Variants in SLC7A5 observed in about 807,000 individuals in gnomAD.
SLC7A5 encodes the protein solute carrier family 7 member 5.
In SLC7A5, 23 loss-of-function variants were observed where a neutral mutation model predicts 50.2. The observed-to-expected ratio is 0.46, with a 90% confidence interval of 0.33 to 0.65. The LOEUF (loss-of-function observed/expected upper bound fraction) is 0.65. Among genes scored for constraint, SLC7A5 ranks in the 30% least tolerant of loss-of-function variants. The pLI is 0.02. For synonymous variants in SLC7A5, 393 were observed against 330.6 expected (o/e 1.19, Z -2.05); for missense variants, 578 against 684.4 (o/e 0.84, Z 1.73).
chr16:87,830,187 G>T lies in SLC7A5; in HGVS notation c.*2783C>A, dbSNP rs984511252. 1.3e-5 allele frequency: 2 copies of T among 152,230 alleles called. No homozygotes were observed. Among genetic ancestry groups the T allele is most frequent in the African/African-American group, 4.8e-5 (2 of 41,470 alleles). The allele number at this position is 152,230 out of a possible 1,614,324, so 9.4% of individuals were successfully genotyped here. On this transcript the variant is annotated 3_prime_UTR_variant, in exon 10 of 10. Coordinates refer to ENST00000261622, the MANE Select transcript of SLC7A5 (RefSeq NM_003486.7). ...AGGGTGTCCAGCCTGGTCGGCCGAC[G>T]TCACAGTGGATGGCCCTGCGTGGCT... is the stretch of plus-strand genomic sequence containing the variant.
intron 1 of SLC7A5, among the ~76,000 whole-genome samples, chr16:87,867,293 C>T (rs1449120412): frequency 1.3e-5 from 2 of 152,134 alleles, no homozygotes; most frequent in African/African-American, 2.4e-5. Flanking sequence ...CATACCGGGC[C>T]GACATGTACC....
chr16:87,836,031 C>T (rs1420563254), intron 8 of SLC7A5, among the ~76,000 whole-genome samples: 1 of 152,204 alleles, frequency 6.6e-6, no homozygotes. Flanking sequence ...GAAGGCAGCC[C>T]ACGGATAACA....
chr16:87,847,380 C>A (rs1259780585), intron 2 of SLC7A5, among the ~76,000 whole-genome samples: 1 of 152,194 alleles, frequency 6.6e-6, no homozygotes, highest in Non-Finnish European at 1.5e-5. Context: ...CAGGGCCGCA[C>A]ACCCCCAGCC....
At chr16:87,840,197 C>T (rs957184960) in intron 4 of SLC7A5, among the ~76,000 whole-genome samples, 10 of 152,220 alleles carry the variant, frequency 6.6e-5, no homozygotes, top group Admixed American at 3.3e-4. Context: ...TCCTCTGTAC[C>T]GTCCCGCCCT....
rs771159023 is a variant in SLC7A5, at chr16:87,832,923, T to C, written c.*47A>G. On this transcript the variant is annotated 3_prime_UTR_variant, in exon 10 of 10. Transcript: ENST00000261622. This position sits in a 1 kb window ranked among gnomAD's most constrained non-coding sequence, Gnocchi z 4.6. ...GTGGGTTCGAGGAGGTGATCTACTT[T>C]AACTGGCCTCTGCGCATGCTCCTCC... 17 of 1,525,126 alleles carry C rather than the reference T, an allele frequency of 1.1e-5. No individual in the cohort carries two copies. The South Asian group carries it at 1.6e-4, about 14-fold the overall frequency. 94.5% of individuals were successfully genotyped at this position (1,525,126 alleles called of 1,614,324 possible).
At chr16:87,867,858 G>C (rs1191223799) in intron 1 of SLC7A5, among the ~76,000 whole-genome samples, 1 of 152,174 alleles carries the variant, frequency 6.6e-6, no homozygotes. Flanking sequence ...GCTCACGCCT[G>C]TAATCCCAGC....
rs1473695619 is a variant in SLC7A5 at position 87,832,939 on chromosome 16, A to G, written c.*31T>C. The G allele has an allele frequency of 1.9e-6, 3 of 1,596,960 alleles. No individual in the cohort carries two copies. The highest frequency in any genetic ancestry group is 3.3e-5 in the Admixed American group (2 of 59,980). On this transcript the variant is annotated 3_prime_UTR_variant, in exon 10 of 10. Transcript: ENST00000261622. The surrounding 1 kb of genome is among the most constrained non-coding windows in gnomAD (Gnocchi z 4.6). ...GATCTACTTTAACTGGCCTCTGCGC[A>G]TGCTCCTCCGGCAGCCACTCGGCCT...
At chr16:87,856,772 C>T in intron 1 of SLC7A5, among the ~76,000 whole-genome samples, 1 of 152,198 alleles carries the variant, frequency 6.6e-6, no homozygotes, top group East Asian at 1.9e-4. Flanking sequence ...TGAGTACAAG[C>T]CTCCACCTTC....
intron 9 of SLC7A5, 117 bp downstream of exon 9, chr16:87,834,295 AAC>A: frequency 1.0e-6 from 1 of 983,066 alleles, no homozygotes; most frequent in Non-Finnish European, 1.6e-6. Context: ...CAGTGACCTG[AAC>A]CCTCCTGCCA....
At chr16:87,863,986 A>AAAAAAAAAAT (rs376938738) in intron 1 of SLC7A5, among the ~76,000 whole-genome samples, 2 of 83,278 alleles carry the variant, frequency 2.4e-5, no homozygotes, top group African/African-American at 7.8e-5. Context: ...ATCATTTAAA[A>AAAAAAAAAAT]ATATATATAT....
At chr16:87,839,858 G>A (rs1417826099) in intron 4 of SLC7A5, 33 bp from the exon 5 acceptor site, 5 of 1,612,470 alleles carry the variant, frequency 3.1e-6, no homozygotes, top group African/African-American at 2.7e-5. Context: ...GTCACCCAAC[G>A]CAGCCCGGGC....
chr16:87,862,595 C>A lies in SLC7A5; in HGVS notation c.538+6290G>T, dbSNP rs1022107981. Among the ~76,000 whole-genome samples, 1 of 152,216 alleles carries A rather than the reference C, an allele frequency of 6.6e-6. No individual in the cohort carries two copies. The highest frequency in any genetic ancestry group is 2.4e-5 in the African/African-American group (1 of 41,460). On this transcript the variant is annotated intron_variant, in intron 1 of 9. Coordinates refer to ENST00000261622, the MANE Select transcript of SLC7A5 (RefSeq NM_003486.7). The surrounding 1 kb of genome is among the most constrained non-coding windows in gnomAD (Gnocchi z 5.3). ...GTTCCCTTGCTCCTTCCTTCTTTTG[C>A]CAGAGGAGAAGACAGTGAGGCTGAG...
At chr16:87,867,216 A>T (rs772555129) in intron 1 of SLC7A5, among the ~76,000 whole-genome samples, 1 of 152,206 alleles carries the variant, frequency 6.6e-6, no homozygotes, top group African/African-American at 2.4e-5. Context: ...CATCACACCC[A>T]GCCAACCAGG....
intron 2 of SLC7A5, among the ~76,000 whole-genome samples, chr16:87,844,336 G>T (rs2055120834): frequency 6.6e-6 from 1 of 152,228 alleles, no homozygotes; most frequent in Non-Finnish European, 1.5e-5. Context: ...CCCGAGAGCG[G>T]GGTAATTGCG....
At position 87,852,716 on chromosome 16, in the gene SLC7A5, G is replaced by T; in HGVS notation, c.539-867C>A. Among the ~76,000 whole-genome samples, 1 of 144,074 alleles carries T rather than the reference G, an allele frequency of 6.9e-6. No individual in the cohort carries two copies. The highest frequency in any genetic ancestry group is 1.5e-5 in the Non-Finnish European group (1 of 66,222). The allele number at this position is 144,074 out of a possible 152,430, so 94.5% of individuals were successfully genotyped here. ...GGGTTCTGTTGCAATATATAGGCAC[G>T]CTGAGCCACTGTGTGTGTGTGCGTG... On this transcript the variant is annotated intron_variant, in intron 1 of 9. Transcript: ENST00000261622. This position sits in a 1 kb window ranked among gnomAD's most constrained non-coding sequence, Gnocchi z 4.5.
At chr16:87,857,609 T>C (rs2055337540) in intron 1 of SLC7A5, among the ~76,000 whole-genome samples, 1 of 152,178 alleles carries the variant, frequency 6.6e-6, no homozygotes, top group South Asian at 2.1e-4. Flanking sequence ...AATGGCTCAA[T>C]TTTGATGCCC....
intron 1 of SLC7A5, among the ~76,000 whole-genome samples, chr16:87,854,561 T>C (rs1305499327): frequency 6.6e-6 from 1 of 152,230 alleles, no homozygotes; most frequent in Non-Finnish European, 1.5e-5. Context: ...GGCTGCTGGC[T>C]GCCCCCACAG....
Position 87,860,950 on chromosome 16 carries a change from C to G in SLC7A5, c.538+7935G>C, listed in dbSNP as rs143507089. Reference sequence around the variant, plus strand: ...AGGCACGCACGTGCTGTGGCCACCCCGGAGGGTCCGCCTTCCAGAGGGAGA... The same window carrying G: ...AGGCACGCACGTGCTGTGGCCACCCGGGAGGGTCCGCCTTCCAGAGGGAGA... On this transcript the variant is annotated intron_variant, in intron 1 of 9. Coordinates refer to ENST00000261622, the MANE Select transcript of SLC7A5 (RefSeq NM_003486.7). This position sits in a 1 kb window ranked among gnomAD's most constrained non-coding sequence, Gnocchi z 4.8. Among the ~76,000 whole-genome samples the G allele has an allele frequency of 5.3e-5, 8 of 152,206 alleles. No homozygotes were observed. The highest frequency in any genetic ancestry group is 1.7e-4 in the African/African-American group (7 of 41,460).
chr16:87,856,378 C>T (rs1334781587), intron 1 of SLC7A5, among the ~76,000 whole-genome samples: 3 of 152,192 alleles, frequency 2.0e-5, no homozygotes, highest in African/African-American at 4.8e-5. Flanking sequence ...AGGAAGTGGC[C>T]GGCAGCTTCA....
Sources: allele counts gnomAD v4.1 joint callset (sites outside exome capture counted in the v4.1 genomes callset), GRCh38; gene constraint gnomAD v4.1.1; non-coding constraint Gnocchi (gnomAD v3.1); transcripts MANE v1.5; gene names NCBI Gene and HGNC (gene_info 2026-07-23, HGNC 2026-07-21).